EPB41L3: variants seen among roughly 807,000 people sequenced by gnomAD.
The protein encoded by EPB41L3 is band 4.1-like protein 3.
A neutral mutation model predicts 127.1 loss-of-function variants in EPB41L3; 57 were observed. That is an observed-to-expected ratio of 0.45 (90% CI 0.36 to 0.56). The LOEUF is 0.56. EPB41L3 is among the 20% of genes least tolerant of loss of function. The probability of loss-of-function intolerance (pLI) is 0.00; values close to 1 mark genes in which losing one functional copy is unlikely to be tolerated. For synonymous variants in EPB41L3, 572 were observed against 549.5 expected (o/e 1.04, Z -0.57); for missense variants, 1,273 against 1,372.2 (o/e 0.93, Z 1.14).
In EPB41L3 at chr18:5,571,991, C is replaced by T. The variant is rs531844010; in HGVS notation, c.-306+40349G>A. 1.1e-4 allele frequency among the ~76,000 whole-genome samples: 17 copies of T among 152,302 alleles called. No individual in the cohort carries two copies. In the East Asian group the frequency reaches 3.1e-3, roughly 28 times the overall value. On this transcript the variant is annotated intron_variant, in intron 3 of 21. Coordinates refer to the EPB41L3 transcript ENST00000545076. ...GACCTGCGTACTTGGAATCATTAGC[C>T]CTTTCAGAACTGCTTGTCCTTGCTT...
At chr18:5,509,001 C>G (rs966317989) in intron 1 of EPB41L3, among the ~76,000 whole-genome samples, 8 of 152,122 alleles carry the variant, frequency 5.3e-5, no homozygotes, top group African/African-American at 1.9e-4. Flanking sequence ...ACAAGACCAA[C>G]GCAGCAGAGG....
intron 3 of EPB41L3, chr18:5,577,495 G>A (rs999780271): frequency 2.1e-5 from 7 of 328,316 alleles, no homozygotes; most frequent in Non-Finnish European, 4.1e-5. Flanking sequence ...AAAAGCAATT[G>A]CTTTCTATCA....
Position 5,442,768 on chromosome 18 carries a change from GA to G in EPB41L3, c.529+1069del, listed in dbSNP as rs373287680. Among the ~76,000 whole-genome samples, 344 of 152,262 alleles carry G rather than the reference GA, an allele frequency of 2.3e-3. 3 individuals carry two copies. Among genetic ancestry groups the G allele is most frequent in the African/African-American group, 8.0e-3 (333 of 41,540 alleles). ...TTTGCGGCAAAAGTAAGAGCTATCG[GA>G]AAGGGTAAAAAAATTTTAAAAACTC... On this transcript the variant is annotated intron_variant, in intron 5 of 22. Transcript: ENST00000341928.
intron 2 of EPB41L3, 106 bp downstream of exon 2, chr18:5,488,895 C>T: frequency 8.1e-7 from 1 of 1,227,310 alleles, no homozygotes; most frequent in Non-Finnish European, 1.1e-6. Context: ...AGGGGAACAG[C>T]AGATGACCCC....
intron 1 of EPB41L3, among the ~76,000 whole-genome samples, chr18:5,492,545 G>A (rs2090724431): frequency 2.0e-5 from 3 of 152,084 alleles, no homozygotes; most frequent in Admixed American, 6.6e-5. Flanking sequence ...ACTAACTAAA[G>A]ACTATTGTTT....
chr18:5,586,237 T>C (rs1420467605), intron 3 of EPB41L3, among the ~76,000 whole-genome samples: 1 of 152,184 alleles, frequency 6.6e-6, no homozygotes, highest in Non-Finnish European at 1.5e-5. Context: ...CAAAATTCTA[T>C]ATTTTGGCAT....
intron 1 of EPB41L3, among the ~76,000 whole-genome samples, chr18:5,627,010 T>C (rs536524936): frequency 6.6e-6 from 1 of 152,130 alleles, no homozygotes. Flanking sequence ...CAGGGTGTTA[T>C]AGCTCAGAAG....
Position 5,621,507 on chromosome 18 carries a change from G to A in EPB41L3, c.-467-7084C>T, listed in dbSNP as rs558822826. ...TAAACCCAGCACTTTGGGAGGCCAA[G>A]GCTGGAGAATTGCTTGAGCCCAGGA... On this transcript the variant is annotated intron_variant, in intron 1 of 21. Coordinates refer to the EPB41L3 transcript ENST00000545076. Among the ~76,000 whole-genome samples the A allele has an allele frequency of 2.0e-5, 3 of 152,348 alleles. No homozygotes were observed. In the East Asian group the frequency reaches 5.8e-4, roughly 29 times the overall value.
chr18:5,602,975 C>T (rs1360871466), intron 3 of EPB41L3, among the ~76,000 whole-genome samples: 3 of 152,190 alleles, frequency 2.0e-5, no homozygotes, highest in Admixed American at 2.0e-4. Context: ...TTTGCTGACA[C>T]TCAGTATTGG....
chr18:5,556,912 G>A (rs1433315905), intron 3 of EPB41L3, among the ~76,000 whole-genome samples: 2 of 152,202 alleles, frequency 1.3e-5, no homozygotes, highest in Non-Finnish European at 2.9e-5. Context: ...ATAATGGTGT[G>A]TCACGGTGAT....
intron 8 of EPB41L3, among the ~76,000 whole-genome samples, chr18:5,429,871 C>A (rs2078736449): frequency 6.6e-6 from 1 of 152,152 alleles, no homozygotes; most frequent in South Asian, 2.1e-4. Flanking sequence ...GCTGGCATTA[C>A]TGATCCTTTA....
intron 3 of EPB41L3, among the ~76,000 whole-genome samples, chr18:5,601,921 G>T (rs1001721637): frequency 1.3e-5 from 2 of 152,156 alleles, no homozygotes; most frequent in Non-Finnish European, 2.9e-5. Flanking sequence ...CTTCGGAGTG[G>T]TTGATTTTCT....
intron 3 of EPB41L3, among the ~76,000 whole-genome samples, chr18:5,452,804 G>T (rs537900512): frequency 2.7e-5 from 4 of 147,732 alleles, no homozygotes; most frequent in Non-Finnish European, 6.0e-5. Context: ...GTGTGTGTGT[G>T]TTTTTAAAAA....
intron 3 of EPB41L3, among the ~76,000 whole-genome samples, chr18:5,556,198 C>T (rs1598945127): frequency 6.6e-6 from 1 of 152,336 alleles, no homozygotes; most frequent in East Asian, 1.9e-4. Context: ...GTTTCAGCCT[C>T]CACAGTTGGT....
upstream of EPB41L3, among the ~76,000 whole-genome samples, chr18:5,629,899 G>A (rs1568675708): frequency 6.6e-6 from 1 of 152,168 alleles, no homozygotes; most frequent in Admixed American, 6.5e-5. Context: ...CTCGGAATAG[G>A]CTAAACGGCC....
intron 3 of EPB41L3, among the ~76,000 whole-genome samples, chr18:5,464,267 T>G (rs952489416): frequency 6.6e-6 from 1 of 152,194 alleles, no homozygotes; most frequent in Non-Finnish European, 1.5e-5. Context: ...AGCTAACATT[T>G]TCTAACAATT....
chr18:5,550,905 T>G (rs2093954784), intron 3 of EPB41L3, among the ~76,000 whole-genome samples: 1 of 152,144 alleles, frequency 6.6e-6, no homozygotes, highest in African/African-American at 2.4e-5. Context: ...GGTTCCCTGC[T>G]TTTTCTCCAT....
At chr18:5,485,481 A>C (rs573630052) in intron 2 of EPB41L3, among the ~76,000 whole-genome samples, 57 of 152,162 alleles carry the variant, frequency 3.7e-4, no homozygotes, top group African/African-American at 1.3e-3. Flanking sequence ...ATAATACTGG[A>C]AGTCCTGGCT....
At chr18:5,622,581 TG>T (rs1649332903) in intron 1 of EPB41L3, among the ~76,000 whole-genome samples, 1 of 152,198 alleles carries the variant, frequency 6.6e-6, no homozygotes, top group Non-Finnish European at 1.5e-5. Context: ...GCAGGCTACA[TG>T]TTTTTTTTAA....
Sources: allele counts gnomAD v4.1 joint callset (sites outside exome capture counted in the v4.1 genomes callset), GRCh38; gene constraint gnomAD v4.1.1; transcripts MANE v1.5; gene names NCBI Gene and HGNC (gene_info 2026-07-23, HGNC 2026-07-21).